The following SPEG variants were observed in gnomAD, a reference collection of about 807,000 sequenced individuals.
The protein encoded by SPEG is striated muscle enriched protein kinase.
Under a neutral mutation model 300.4 loss-of-function variants are expected in SPEG, and 114 were observed. That is an observed-to-expected ratio of 0.38 (90% CI 0.33 to 0.44). The LOEUF is 0.44. Ranked by LOEUF, SPEG falls within the 20% of genes least tolerant of loss-of-function variation. The probability of loss-of-function intolerance (pLI) is 1.00; values close to 1 mark genes in which losing one functional copy is unlikely to be tolerated. For missense variants in SPEG, 4,201 were observed against 4,586.2 expected (o/e 0.92, Z 2.43); for synonymous variants, 1,964 against 2,018.9 (o/e 0.97, Z 0.73).
rs748533726 is a variant in SPEG at position 219,448,403 on chromosome 2, G to C, written c.1245G>C (p.Glu415Asp). ...QFFEERRRSL[E>D]RSDSPPAPLR... ...TCGAGGAGCGACGGCGCAGCCTGGA[G>C]CGCAGCGACTCGCCGCCGGCGCCCC... The change falls in exon 4 of 41, where the codon GAG (glutamate) becomes GAC (aspartate). Residue 415 changes from glutamate to aspartate, a missense_variant. Glu to Asp is a conservative substitution (Grantham distance 45, BLOSUM62 2). Around this residue, in one of 4 missense-constraint regions of SPEG, gnomAD observed 1,258 missense variants for 1,293.9 expected, o/e 0.97. Coordinates refer to ENST00000312358, the MANE Select transcript of SPEG (RefSeq NM_005876.5). 2 of 1,533,772 alleles carry C rather than the reference G, an allele frequency of 1.3e-6. No homozygotes were observed. Among genetic ancestry groups the C allele is most frequent in the Non-Finnish European group, 1.7e-6 (2 of 1,144,764 alleles).
rs1248595016 is a variant in SPEG at position 219,443,110 on chromosome 2, A to G, written c.389-1543A>G. ...TCATTCTGGCTTTTCTCTTTCAGAA[A>G]ACCGGCCATTCCCGCCGGGCCTTTG... On this transcript the variant is annotated intron_variant, in intron 1 of 40. Coordinates refer to ENST00000312358, the MANE Select transcript of SPEG (RefSeq NM_005876.5). This position sits in a 1 kb window ranked among gnomAD's most constrained non-coding sequence, Gnocchi z 4.6. 6.2e-7 allele frequency: 1 copy of G among 1,612,366 alleles called. No individual in the cohort carries two copies. The highest frequency in any genetic ancestry group is 1.1e-5 in the South Asian group (1 of 91,036).
rs1225838651 is a variant in SPEG, at chr2:219,484,038, C to T, written c.6575C>T (p.Ala2192Val). 7 of 1,613,492 alleles carry T rather than the reference C, an allele frequency of 4.3e-6. No individual in the cohort carries two copies. Among genetic ancestry groups the T allele is most frequent in the Non-Finnish European group, 5.9e-6 (7 of 1,179,876 alleles). Residue 2192 changes from alanine to valine, a missense_variant, in exon 30 of 41, where the codon GCA (alanine) becomes GTA (valine). By Grantham distance (64) the Ala-to-Val change is moderately conservative. Coordinates refer to ENST00000312358, the MANE Select transcript of SPEG (RefSeq NM_005876.5). Reference protein sequence around the residue: ...SAPKPSTPKSAEPSATTPSDA... With the variant: ...SAPKPSTPKSVEPSATTPSDA... ...CCCAAACCCAGTACCCCTAAGTCTG[C>T]AGAACCTTCTGCCACCACACCTAGT...
Position 219,451,619 on chromosome 2 carries a change from C to T in SPEG, c.2258-6C>T. ...TGGCGAGCCGGGTCCCTGTGCCTCC[C>T]CACAGTGTCCTGGCACAAGGATGGG... On this transcript the variant is annotated splice_polypyrimidine_tract_variant and splice_region_variant and intron_variant, in intron 5 of 40. Coordinates refer to ENST00000312358, the MANE Select transcript of SPEG (RefSeq NM_005876.5). This position sits in a 1 kb window ranked among gnomAD's most constrained non-coding sequence, Gnocchi z 6.4. 1.3e-6 allele frequency: 2 copies of T among 1,541,810 alleles called. No homozygotes were observed. Among genetic ancestry groups the T allele is most frequent in the Non-Finnish European group, 1.7e-6 (2 of 1,144,706 alleles).
At chr2:219,487,901 T>G (rs1352717790) in intron 31 of SPEG, among the ~76,000 whole-genome samples, 1 of 152,250 alleles carries the variant, frequency 6.6e-6, no homozygotes, top group Admixed American at 6.5e-5. Flanking sequence ...ACTTACTTAG[T>G]GCCAGGCCCT....
At chr2:219,442,757 C>T (rs902794055) in intron 1 of SPEG, among the ~76,000 whole-genome samples, 1 of 151,698 alleles carries the variant, frequency 6.6e-6, no homozygotes, top group Non-Finnish European at 1.5e-5. Flanking sequence ...CTGACTACCT[C>T]GTCTTCTATC....
chr2:219,444,546 C>A lies in SPEG; in HGVS notation c.389-107C>A. 2 of 921,620 alleles carry A rather than the reference C, an allele frequency of 2.2e-6. No homozygotes were observed. Among genetic ancestry groups the A allele is most frequent in the Non-Finnish European group, 1.7e-6 (1 of 575,656 alleles). The allele number at this position is 921,620 out of a possible 1,614,324, so 57.1% of individuals were successfully genotyped here. On this transcript the variant is annotated intron_variant, in intron 1 of 40. Transcript: ENST00000312358. The surrounding 1 kb of genome is among the most constrained non-coding windows in gnomAD (Gnocchi z 7.8). ...AAGAGAGGAGGTGCTGGCAGCCCTG[C>A]CAGTGATAAGATGGAGCCTGCTGTT...
chr2:219,441,681 CAT>C, intron 1 of SPEG: 1 of 433,528 alleles, frequency 2.3e-6, no homozygotes, highest in Non-Finnish European at 4.7e-6. Context: ...TCAGTTTCCT[CAT>C]GTGCCTAGGG....
rs1254636057 is a variant in SPEG, at chr2:219,491,814, G to A, written c.9406G>A (p.Glu3136Lys). 3 of 1,613,104 alleles carry A rather than the reference G, an allele frequency of 1.9e-6. No individual in the cohort carries two copies. ...EFMAPEMVKG[E>K]PIGSATDIWG... ...GTCAGCTCCGGAGATGGTGAAGGGA[G>A]AACCCATCGGCTCTGCCACGGACAT... The change falls in exon 39 of 41, where the codon GAA (glutamate) becomes AAA (lysine). Residue 3136 changes from glutamate (E) to lysine (K), a missense_variant. Glu to Lys is a moderately conservative substitution (Grantham distance 56). This residue lies in a region of SPEG where 318 missense variants were observed against 429.5 expected (regional missense o/e 0.74). Transcript: ENST00000312358.
In SPEG at chr2:219,451,553, T is replaced by G; in HGVS notation, c.2258-72T>G. ...GAGGTTTGGTCTCCTGTGTGGTGTGTGGGGTAGGAGTAGAGATTCTCAGTG... is the reference window on the plus strand; with the variant it reads ...GAGGTTTGGTCTCCTGTGTGGTGTGGGGGGTAGGAGTAGAGATTCTCAGTG... On this transcript the variant is annotated intron_variant, in intron 5 of 40. Coordinates refer to ENST00000312358, the MANE Select transcript of SPEG (RefSeq NM_005876.5). This position sits in a 1 kb window ranked among gnomAD's most constrained non-coding sequence, Gnocchi z 6.4. 1 of 1,376,294 alleles carries G rather than the reference T, an allele frequency of 7.3e-7. No homozygotes were observed. Among genetic ancestry groups the G allele is most frequent in the Non-Finnish European group, 9.6e-7 (1 of 1,042,406 alleles). 85.3% of individuals were successfully genotyped at this position (1,376,294 alleles called of 1,614,324 possible). A position where few individuals can be genotyped will look rare whatever the true frequency, so the allele number is the denominator to read the frequency against.
In SPEG at chr2:219,483,782, G is replaced by A. The variant is rs1328968502; in HGVS notation, c.6319G>A (p.Ala2107Thr). 6.4e-7 allele frequency: 1 copy of A among 1,558,570 alleles called. No homozygotes were observed. The highest frequency in any genetic ancestry group is 8.6e-7 in the Non-Finnish European group (1 of 1,159,528). ...TGCTCGGGACCCCCGGATGGCACGA[G>A]CTGCCTCCAGCGAGGCAGCGCCCCA... ...GRARDPRMARAASSEAAPHHQ... is the reference protein window; with the variant it reads ...GRARDPRMARTASSEAAPHHQ... The change falls in exon 30 of 41, where the codon GCT becomes ACT. Residue 2107 changes from alanine (A) to threonine (T), a missense_variant. Transcript: ENST00000312358.
Position 219,434,987 on chromosome 2 carries a change from G to C in SPEG, c.10G>C (p.Ala4Pro). 6.6e-7 allele frequency: 1 copy of C among 1,506,428 alleles called. No homozygotes were observed. The highest frequency in any genetic ancestry group is 8.8e-7 in the Non-Finnish European group (1 of 1,135,342). 93.3% of individuals were successfully genotyped at this position (1,506,428 alleles called of 1,614,324 possible). ...CCAGCTCTCAGTGGCCATGCAGAAA[G>C]CCCGGGGCACGCGAGGCGAGGATGC... MQKARGTRGEDAGT... is the reference protein window; with the variant it reads MQKPRGTRGEDAGT... The change falls in exon 1 of 41, where the codon GCC becomes CCC. Residue 4 changes from alanine (A) to proline (P), a missense_variant. This residue lies in a region of SPEG where 1,258 missense variants were observed against 1,293.9 expected (regional missense o/e 0.97). Transcript: ENST00000312358.
At chr2:219,471,278 G>A (rs1229622703) in intron 13 of SPEG, among the ~76,000 whole-genome samples, 2 of 152,324 alleles carry the variant, frequency 1.3e-5, no homozygotes, top group Non-Finnish European at 2.9e-5. Flanking sequence ...GCAATGACCT[G>A]CAGATGGAAC....
At chr2:219,452,227 C>T (rs1254539739) in intron 6 of SPEG, among the ~76,000 whole-genome samples, 1 of 152,180 alleles carries the variant, frequency 6.6e-6, no homozygotes, top group African/African-American at 2.4e-5. Flanking sequence ...GACAGTCCCC[C>T]CTCCCAGTAA....
rs1484462000 is a variant in SPEG, at chr2:219,458,179, G to A, written c.2441-3703G>A. 6.6e-6 allele frequency among the ~76,000 whole-genome samples: 1 copy of A among 152,136 alleles called. No homozygotes were observed. On this transcript the variant is annotated intron_variant, in intron 6 of 40. Coordinates refer to ENST00000312358, the MANE Select transcript of SPEG (RefSeq NM_005876.5). This position sits in a 1 kb window ranked among gnomAD's most constrained non-coding sequence, Gnocchi z 4.2. Reference sequence around the variant, plus strand: ...GGACTGCAGAGCTGTATGTGAGGTGGCAGTGAGTAGGCAGAGAGCCCCATG... The same window carrying A: ...GGACTGCAGAGCTGTATGTGAGGTGACAGTGAGTAGGCAGAGAGCCCCATG...
At chr2:219,476,512 C>G (rs1345418935) in intron 18 of SPEG, among the ~76,000 whole-genome samples, 1 of 152,186 alleles carries the variant, frequency 6.6e-6, no homozygotes, top group African/African-American at 2.4e-5. Flanking sequence ...ATGGCCAGTC[C>G]TGATTTTTCA....
intron 18 of SPEG, 131 bp downstream of exon 18, chr2:219,474,034 G>C: frequency 2.3e-6 from 2 of 853,492 alleles, no homozygotes; most frequent in Admixed American, 2.9e-5. Flanking sequence ...GCCTGTCCAT[G>C]TCATGGCTAT....
In SPEG at chr2:219,492,793, G is replaced by C. The variant is rs376423304; in HGVS notation, c.*7G>C. 1 of 1,577,616 alleles carries C rather than the reference G, an allele frequency of 6.3e-7. No individual in the cohort carries two copies. The highest frequency in any genetic ancestry group is 8.6e-7 in the Non-Finnish European group (1 of 1,167,910). ...CTACCCTGGCGGCCCCTAGAGGCAC[G>C]GACCACAGCCAGGCCTCGGGCTTCA... On this transcript the variant is annotated 3_prime_UTR_variant, in exon 41 of 41. Transcript: ENST00000312358.
In SPEG at chr2:219,444,012, G is replaced by A; in HGVS notation, c.389-641G>A. On this transcript the variant is annotated intron_variant, in intron 1 of 40. Transcript: ENST00000312358. This position sits in a 1 kb window ranked among gnomAD's most constrained non-coding sequence, Gnocchi z 7.8. ...AGTCTGTCCCTGTCTCTCTCCTGCT[G>A]CTCCTATGGAAGCGAAGTTTTCCGC... 1 of 1,365,114 alleles carries A rather than the reference G, an allele frequency of 7.3e-7. No individual in the cohort carries two copies. The highest frequency in any genetic ancestry group is 9.8e-7 in the Non-Finnish European group (1 of 1,021,288). 84.6% of individuals were successfully genotyped at this position (1,365,114 alleles called of 1,614,324 possible).
chr2:219,480,565 G>A lies in SPEG; in HGVS notation c.5343-106G>A. ...TCCTGTGCCCATTGTCCATGGCAGT[G>A]TTCCCAGGGAGGTAACAGCTCACTC... On this transcript the variant is annotated intron_variant, in intron 25 of 40. Coordinates refer to ENST00000312358, the MANE Select transcript of SPEG (RefSeq NM_005876.5). This position sits in a 1 kb window ranked among gnomAD's most constrained non-coding sequence, Gnocchi z 5.3. 2 of 1,170,490 alleles carry A rather than the reference G, an allele frequency of 1.7e-6. No individual in the cohort carries two copies. Among genetic ancestry groups the A allele is most frequent in the Non-Finnish European group, 2.6e-6 (2 of 779,720 alleles). 72.5% of individuals were successfully genotyped at this position (1,170,490 alleles called of 1,614,324 possible).
Sources: allele counts gnomAD v4.1 joint callset (sites outside exome capture counted in the v4.1 genomes callset), GRCh38; gene constraint gnomAD v4.1.1; regional missense constraint gnomAD v4.1.1; non-coding constraint Gnocchi (gnomAD v3.1); transcripts MANE v1.5; gene names NCBI Gene and HGNC (gene_info 2026-07-23, HGNC 2026-07-21).